Variants in FLT3 observed in about 807,000 individuals in gnomAD.
The protein encoded by FLT3 is fms related receptor tyrosine kinase 3.
A neutral mutation model predicts 126.6 loss-of-function variants in FLT3; 46 were observed. The ratio of observed to expected loss-of-function variants is 0.36; its 90% confidence interval spans 0.29 to 0.46. The LOEUF (loss-of-function observed/expected upper bound fraction) is 0.46, where lower values mean the gene tolerates loss of function less well. Among genes scored for constraint, FLT3 ranks in the 20% least tolerant of loss-of-function variants. The pLI is 1.00. For missense variants in FLT3, 1,069 were observed against 1,190.3 expected (o/e 0.90, Z 1.50); for synonymous variants, 404 against 434.4 (o/e 0.93, Z 0.87).
At chr13:28,004,820 C>T (rs4304898) in intron 23 of FLT3, among the ~76,000 whole-genome samples, 150,913 of 152,286 alleles carry the variant, frequency 0.99, 74,793 homozygotes, top group Middle Eastern at 1. Context: ...AAAATGTCAC[C>T]CTAGAAATCC....
intron 5 of FLT3, 53 bp downstream of exon 5, chr13:28,052,492 A>G (rs201738954): frequency 1.8e-4 from 275 of 1,537,262 alleles, no homozygotes; most frequent in Non-Finnish European, 2.3e-4. Context: ...ACTACATTAG[A>G]AAAAGGCCAA....
intron 4 of FLT3, among the ~76,000 whole-genome samples, chr13:28,055,639 A>G (rs537747729): frequency 1.3e-5 from 2 of 152,314 alleles, no homozygotes; most frequent in South Asian, 4.1e-4. Context: ...CAGAATGCTA[A>G]AAATAAGTTA....
chr13:28,004,207 C>T (rs1269690858), intron 23 of FLT3, 33 bp from the exon 24 acceptor site: 4 of 1,610,802 alleles, frequency 2.5e-6, no homozygotes, highest in Non-Finnish European at 2.5e-6. Context: ...ACACTGATTA[C>T]CATCTGATGT....
intron 1 of FLT3, among the ~76,000 whole-genome samples, chr13:28,074,807 A>G (rs1321396886): frequency 6.6e-6 from 1 of 151,768 alleles, no homozygotes; most frequent in African/African-American, 2.4e-5. Context: ...TACCTGGCTA[A>G]TTTCTGTATT....
At chr13:28,015,440 C>T (rs1871755023) in intron 21 of FLT3, 150 bp downstream of exon 21, 1 of 678,410 alleles carries the variant, frequency 1.5e-6, no homozygotes, top group South Asian at 1.7e-5. Context: ...GTGAGGAAGA[C>T]AGGCTAAAGG....
intron 19 of FLT3, among the ~76,000 whole-genome samples, chr13:28,023,043 A>G (rs556571255): frequency 1.3e-5 from 2 of 152,324 alleles, no homozygotes; most frequent in Non-Finnish European, 2.9e-5. Context: ...AGGGACTGAC[A>G]ATGCTACGCT....
At chr13:28,028,147 T>C in intron 16 of FLT3, 31 bp downstream of exon 16, 2 of 1,000,522 alleles carry the variant, frequency 2.0e-6, no homozygotes, top group Non-Finnish European at 3.2e-6. Context: ...ACAGTCTTTT[T>C]GATGAGGTGA....
At chr13:28,056,086 C>T (rs528235371) in intron 4 of FLT3, among the ~76,000 whole-genome samples, 6 of 152,156 alleles carry the variant, frequency 3.9e-5, no homozygotes, top group Non-Finnish European at 8.8e-5. Context: ...CCACCCCCAA[C>T]CCCAGTAAGA....
chr13:28,004,285 T>C (rs1775380136), intron 23 of FLT3, 111 bp from the exon 24 acceptor site: 1 of 1,159,148 alleles, frequency 8.6e-7, no homozygotes, highest in Non-Finnish European at 1.2e-6. Flanking sequence ...TATAGACAAT[T>C]ACTTTTTTGT....
intron 1 of FLT3, among the ~76,000 whole-genome samples, chr13:28,081,837 TTTGA>T (rs1284806480): frequency 6.9e-6 from 1 of 144,836 alleles, no homozygotes; most frequent in Non-Finnish European, 1.5e-5. Context: ...ATTTTTTTAC[TTTGA>T]TTCTTTTTTT....
In FLT3 at chr13:28,028,295, A is replaced by G. The variant is rs1220935044; in HGVS notation, c.1943-7T>C. ...TCAGAGCTGTCTGCTTTTTCTGTCA[A>G]AGAAAGGAGCATTAAAAATGTAAAA... On this transcript the variant is annotated splice_polypyrimidine_tract_variant and splice_region_variant and intron_variant, in intron 15 of 23. Transcript: ENST00000241453. 1 of 1,422,938 alleles carries G rather than the reference A, an allele frequency of 7.0e-7. No homozygotes were observed. The highest frequency in any genetic ancestry group is 1.4e-5 in the African/African-American group (1 of 71,244). The allele number at this position is 1,422,938 out of a possible 1,614,324, so 88.1% of individuals were successfully genotyped here. A position where few individuals can be genotyped will look rare whatever the true frequency, so the allele number is the denominator to read the frequency against.
chr13:28,071,170 C>CT (rs11408683), intron 1 of FLT3, among the ~76,000 whole-genome samples: 36,316 of 142,952 alleles, frequency 0.25, 5,127 homozygotes, highest in African/African-American at 0.4. Flanking sequence ...AATTTTCTTT[C>CT]TTTTTTTTTT....
intron 4 of FLT3, among the ~76,000 whole-genome samples, chr13:28,054,902 T>C (rs560054759): frequency 1.3e-5 from 2 of 152,238 alleles, no homozygotes; most frequent in Non-Finnish European, 2.9e-5. Context: ...AAATGCCTAC[T>C]CATGTCCTTT....
chr13:28,060,985 CCA>C (rs1352840004), intron 3 of FLT3, among the ~76,000 whole-genome samples: 1 of 152,246 alleles, frequency 6.6e-6, no homozygotes, highest in African/African-American at 2.4e-5. Flanking sequence ...GCCCTTCCCT[CCA>C]CACACAGTTT....
chr13:28,029,434 T>G (rs1447508440), intron 15 of FLT3, among the ~76,000 whole-genome samples: 1 of 152,072 alleles, frequency 6.6e-6, no homozygotes, highest in Non-Finnish European at 1.5e-5. Flanking sequence ...GACTATAGTA[T>G]AAATGTTGAA....
At chr13:28,023,963 G>A (rs182418494) in intron 18 of FLT3, among the ~76,000 whole-genome samples, 19 of 151,948 alleles carry the variant, frequency 1.3e-4, no homozygotes, top group African/African-American at 4.3e-4. Flanking sequence ...GGGTTTCACC[G>A]TGTTAGCCAG....
chr13:28,034,616 T>G (rs1873666224), intron 12 of FLT3, among the ~76,000 whole-genome samples: 1 of 152,204 alleles, frequency 6.6e-6, no homozygotes, highest in African/African-American at 2.4e-5. Context: ...TTGCGGATTA[T>G]TCTCAATCCA....
chr13:28,040,721 G>A (rs1340383738), intron 9 of FLT3, among the ~76,000 whole-genome samples: 7 of 152,110 alleles, frequency 4.6e-5, no homozygotes, highest in Admixed American at 1.3e-4. Flanking sequence ...CTTTGGGTGC[G>A]TGCAGGGGTT....
chr13:28,061,803 A>T, intron 3 of FLT3, 64 bp downstream of exon 3: 1 of 1,360,770 alleles, frequency 7.3e-7, no homozygotes. Flanking sequence ...AAACATGAAC[A>T]GAAACTTGAA....
Sources: gnomAD v4.1 joint callset for allele counts (sites outside exome capture counted in the v4.1 genomes callset) on GRCh38, gnomAD v4.1.1 for gene constraint, MANE v1.5 for transcripts, NCBI Gene and HGNC (gene_info 2026-07-23, HGNC 2026-07-21) for gene names.